Variants in MEF2A observed in about 807,000 individuals in gnomAD.
The protein encoded by MEF2A is myocyte enhancer factor 2A, also known as myocyte-specific enhancer factor 2A.
A neutral mutation model predicts 55.8 loss-of-function variants in MEF2A; 28 were observed. The observed-to-expected ratio is 0.50, with a 90% CI of 0.37 to 0.69. The LOEUF (loss-of-function observed/expected upper bound fraction) is 0.69, where lower values mean the gene tolerates loss of function less well. Among genes scored for constraint, MEF2A ranks in the 30% least tolerant of loss-of-function variants. MEF2A has a pLI of 0.00. For synonymous variants in MEF2A, 239 were observed against 227.1 expected (o/e 1.05, Z -0.47); for missense variants, 528 against 626.2 (o/e 0.84, Z 1.67).
At chr15:99,585,673 C>CA (rs890957679) in intron 1 of MEF2A, among the ~76,000 whole-genome samples, 1 of 150,118 alleles carries the variant, frequency 6.7e-6, no homozygotes, top group African/African-American at 2.4e-5. Context: ...TAGTGTATGC[C>CA]AGTCACTGTG....
intron 2 of MEF2A, among the ~76,000 whole-genome samples, chr15:99,630,402 T>C (rs2042766224): frequency 6.6e-6 from 1 of 152,298 alleles, no homozygotes; most frequent in Non-Finnish European, 1.5e-5. Flanking sequence ...TTTTTCAAAA[T>C]TGTATTTTTT....
intron 2 of MEF2A, among the ~76,000 whole-genome samples, chr15:99,615,018 G>T (rs1321945478): frequency 6.6e-6 from 1 of 152,182 alleles, no homozygotes; most frequent in African/African-American, 2.4e-5. Context: ...ACGTTAAAAG[G>T]TTGCTGTAAT....
intron 1 of MEF2A, among the ~76,000 whole-genome samples, chr15:99,580,507 C>T (rs1045900159): frequency 2.6e-5 from 4 of 152,138 alleles, no homozygotes; most frequent in Non-Finnish European, 4.4e-5. Flanking sequence ...AAGCTAGAGT[C>T]TCCGGAAGGT....
intron 4 of MEF2A, among the ~76,000 whole-genome samples, chr15:99,664,035 G>A (rs2049135714): frequency 6.6e-6 from 1 of 152,088 alleles, no homozygotes; most frequent in Non-Finnish European, 1.5e-5. Context: ...ATTTTTGTTG[G>A]GGTAGATACC....
intron 1 of MEF2A, among the ~76,000 whole-genome samples, chr15:99,585,336 G>A (rs1463907061): frequency 1.3e-5 from 2 of 152,050 alleles, no homozygotes; most frequent in African/African-American, 2.4e-5. Context: ...GAACAATCTC[G>A]TTTCGTGAGT....
At chr15:99,628,117 G>C (rs1046347370) in intron 2 of MEF2A, among the ~76,000 whole-genome samples, 1 of 152,126 alleles carries the variant, frequency 6.6e-6, no homozygotes, top group Non-Finnish European at 1.5e-5. Flanking sequence ...AGTGTTGTTA[G>C]GTACACTCAG....
At chr15:99,621,696 C>A (rs903352684) in intron 2 of MEF2A, among the ~76,000 whole-genome samples, 2 of 152,156 alleles carry the variant, frequency 1.3e-5, no homozygotes, top group African/African-American at 2.4e-5. Flanking sequence ...CCATGACCAT[C>A]TCAAGTTTCG....
intron 1 of MEF2A, among the ~76,000 whole-genome samples, chr15:99,594,690 A>G (rs923155089): frequency 5.9e-5 from 9 of 152,116 alleles, no homozygotes; most frequent in African/African-American, 2.2e-4. Context: ...CTGGCATGCA[A>G]GAGACACTTG....
chr15:99,707,622 A>C (rs1212361139), intron 10 of MEF2A, among the ~76,000 whole-genome samples: 2 of 152,194 alleles, frequency 1.3e-5, no homozygotes, highest in Non-Finnish European at 2.9e-5. Context: ...AAGGAGTGGA[A>C]AACACATGTG....
intron 1 of MEF2A, among the ~76,000 whole-genome samples, chr15:99,592,773 G>A (rs952512954): frequency 4.6e-5 from 7 of 152,060 alleles, no homozygotes; most frequent in African/African-American, 1.7e-4. Context: ...ACCAAGAGGA[G>A]GGCACCAAGT....
At chr15:99,633,867 C>T (rs368592830) in intron 3 of MEF2A, among the ~76,000 whole-genome samples, 227 of 152,310 alleles carry the variant, frequency 1.5e-3, no homozygotes, top group African/African-American at 5.3e-3. Context: ...CACTGTCATG[C>T]TCATTCATTT....
At chr15:99,698,019 C>T (rs2056766204) in intron 8 of MEF2A, among the ~76,000 whole-genome samples, 1 of 152,012 alleles carries the variant, frequency 6.6e-6, no homozygotes, top group African/African-American at 2.4e-5. Context: ...AATTCTACAT[C>T]CATACACAAA....
chr15:99,701,117 A>G (rs911185237), intron 8 of MEF2A, among the ~76,000 whole-genome samples: 12 of 152,350 alleles, frequency 7.9e-5, no homozygotes, highest in Admixed American at 2.0e-4. Flanking sequence ...CTCTTCCCCA[A>G]TATTCATTTC....
chr15:99,594,901 C>CAT (rs1343752605), intron 1 of MEF2A, among the ~76,000 whole-genome samples: 1 of 152,188 alleles, frequency 6.6e-6, no homozygotes, highest in East Asian at 1.9e-4. Context: ...TGGTCTCTAT[C>CAT]ATATATAGGT....
In MEF2A at chr15:99,716,426, G is replaced by A. The variant is rs1416876187; in HGVS notation, c.*3655G>A. 2.3e-6 allele frequency: 1 copy of A among 442,668 alleles called. No individual in the cohort carries two copies. Among genetic ancestry groups the A allele is most frequent in the Non-Finnish European group, 4.6e-6 (1 of 216,138 alleles). 27.4% of individuals were successfully genotyped at this position (442,668 alleles called of 1,614,324 possible). Reference sequence around the variant, plus strand: ...ATCAAATGGTGAAGACAATGCTAAAGGTTGTTGTAAACTGTTTGTCTCCCG... The same window carrying A: ...ATCAAATGGTGAAGACAATGCTAAAAGTTGTTGTAAACTGTTTGTCTCCCG... On this transcript the variant is annotated 3_prime_UTR_variant, in exon 12 of 12. Coordinates refer to ENST00000557942, the MANE Select transcript of MEF2A (RefSeq NM_001319206.4).
At chr15:99,595,523 C>T (rs578034851) in intron 1 of MEF2A, among the ~76,000 whole-genome samples, 1 of 152,156 alleles carries the variant, frequency 6.6e-6, no homozygotes, top group East Asian at 1.9e-4. Flanking sequence ...AGAAAAGTGC[C>T]TGGAATATGT....
At chr15:99,613,026 A>G (rs2039562967) in intron 2 of MEF2A, among the ~76,000 whole-genome samples, 2 of 152,190 alleles carry the variant, frequency 1.3e-5, no homozygotes, top group Non-Finnish European at 2.9e-5. Flanking sequence ...TGCAGTGCGT[A>G]GATATAATGC....
intron 5 of MEF2A, among the ~76,000 whole-genome samples, chr15:99,673,190 G>A (rs1406304173): frequency 3.9e-5 from 6 of 152,138 alleles, no homozygotes; most frequent in Non-Finnish European, 8.8e-5. Context: ...TGGATTTTCA[G>A]ATTAGGGATG....
intron 1 of MEF2A, among the ~76,000 whole-genome samples, chr15:99,581,153 G>A (rs936435057): frequency 1.3e-5 from 2 of 152,050 alleles, no homozygotes; most frequent in African/African-American, 4.8e-5. Flanking sequence ...CTTAGAGTTA[G>A]TAAGTAGTCT....
Sources: allele counts gnomAD v4.1 joint callset (sites outside exome capture counted in the v4.1 genomes callset), GRCh38; gene constraint gnomAD v4.1.1; transcripts MANE v1.5; gene names NCBI Gene and HGNC (gene_info 2026-07-23, HGNC 2026-07-21).